Variants in IGF2R observed in about 807,000 individuals in gnomAD.
IGF2R encodes cation-independent mannose-6-phosphate receptor.
In IGF2R, 91 loss-of-function variants were observed where a neutral mutation model predicts 270.6. The ratio of observed to expected loss-of-function variants is 0.34; its 90% confidence interval spans 0.28 to 0.40. IGF2R has a LOEUF of 0.40. Ranked by LOEUF, IGF2R falls within the 10% of genes least tolerant of loss-of-function variation. The pLI is 1.00. For synonymous variants in IGF2R, 1,316 were observed against 1,258.9 expected (o/e 1.05, Z -0.96); for missense variants, 2,805 against 3,188.3 (o/e 0.88, Z 2.90).
intron 6 of IGF2R, 115 bp from the exon 7 acceptor site, chr6:160,029,435 C>T: frequency 8.1e-5 from 44 of 541,746 alleles, no homozygotes; most frequent in Middle Eastern, 3.1e-4. Context: ...TTTAATATTT[C>T]TTCTGTTACC....
intron 6 of IGF2R, among the ~76,000 whole-genome samples, chr6:160,028,828 CTT>C (rs540300763): frequency 1.4e-5 from 2 of 139,822 alleles, no homozygotes; most frequent in African/African-American, 2.6e-5. Context: ...GCTTGTCTGC[CTT>C]TTTTTTTTTT....
intron 4 of IGF2R, among the ~76,000 whole-genome samples, chr6:160,024,314 G>T (rs888089245): frequency 2.0e-5 from 3 of 152,196 alleles, no homozygotes; most frequent in Non-Finnish European, 4.4e-5. Context: ...AAACGATCCA[G>T]TGGAGAGGGA....
intron 2 of IGF2R, among the ~76,000 whole-genome samples, chr6:160,008,066 TA>T (rs1025985185): frequency 2.0e-5 from 3 of 152,082 alleles, no homozygotes; most frequent in Admixed American, 6.5e-5. Context: ...CTTAATGATC[TA>T]AAAAAAATCA....
intron 10 of IGF2R, among the ~76,000 whole-genome samples, chr6:160,037,400 C>A (rs1225874155): frequency 6.6e-6 from 1 of 152,122 alleles, no homozygotes; most frequent in Non-Finnish European, 1.5e-5. Context: ...TTATTTTGCT[C>A]GAATTTAAAC....
At chr6:159,972,885 C>A (rs1168366180) in intron 1 of IGF2R, among the ~76,000 whole-genome samples, 2 of 151,042 alleles carry the variant, frequency 1.3e-5, no homozygotes, top group Middle Eastern at 3.2e-3. Context: ...TAAATAAGTG[C>A]ATGGTTTTTT....
intron 42 of IGF2R, 81 bp downstream of exon 42, chr6:160,088,228 G>GT: frequency 1.1e-6 from 1 of 946,570 alleles, no homozygotes; most frequent in Non-Finnish European, 1.7e-6. Flanking sequence ...TCATGGGCAG[G>GT]TTTTGGCTGA....
In IGF2R at chr6:160,045,943, T is replaced by G. The variant is rs553917345; in HGVS notation, c.1903+61T>G. ...CTTGGAACCACTTAAGGTTTTTTCC[T>G]TAACATTCTGTGTGAGGTTTTCAAG... On this transcript the variant is annotated intron_variant, in intron 14 of 47. Coordinates refer to ENST00000356956, the MANE Select transcript of IGF2R (RefSeq NM_000876.4). 7 of 1,417,122 alleles carry G rather than the reference T, an allele frequency of 4.9e-6. No individual in the cohort carries two copies. In the African/African-American group the frequency reaches 1.0e-4, roughly 21 times the overall value. 87.8% of individuals were successfully genotyped at this position (1,417,122 alleles called of 1,614,324 possible). A position where few individuals can be genotyped will look rare whatever the true frequency, so the allele number is the denominator to read the frequency against.
intron 39 of IGF2R, 28 bp from the exon 40 acceptor site, chr6:160,083,920 ATC>A (rs775498140): frequency 1.8e-5 from 26 of 1,448,356 alleles, no homozygotes; most frequent in Non-Finnish European, 2.1e-5. Flanking sequence ...TGACAGTCTG[ATC>A]TCTCTCTCTT....
intron 5 of IGF2R, among the ~76,000 whole-genome samples, chr6:160,025,050 G>T (rs189913416): frequency 1.3e-5 from 2 of 151,998 alleles, no homozygotes; most frequent in African/African-American, 4.8e-5. Flanking sequence ...TTACGGGCTG[G>T]GTGAAAAAGA....
intron 11 of IGF2R, among the ~76,000 whole-genome samples, chr6:160,042,618 G>A (rs1176787549): frequency 6.6e-6 from 1 of 152,146 alleles, no homozygotes; most frequent in Non-Finnish European, 1.5e-5. Context: ...TGAGTTCAGC[G>A]GCCACCTGTG....
At chr6:160,055,447 G>A (rs1778291301) in intron 19 of IGF2R, among the ~76,000 whole-genome samples, 1 of 152,172 alleles carries the variant, frequency 6.6e-6, no homozygotes, top group Non-Finnish European at 1.5e-5. Context: ...ACTGAAGGAA[G>A]AAAGGGCCGC....
intron 2 of IGF2R, among the ~76,000 whole-genome samples, chr6:159,996,495 A>G (rs1244709177): frequency 6.6e-6 from 1 of 151,820 alleles, no homozygotes; most frequent in African/African-American, 2.4e-5. Context: ...TCTCTTGGAT[A>G]CTCCAGTGGC....
At chr6:160,037,044 A>G (rs1016158835) in intron 10 of IGF2R, among the ~76,000 whole-genome samples, 1 of 152,168 alleles carries the variant, frequency 6.6e-6, no homozygotes, top group African/African-American at 2.4e-5. Flanking sequence ...ACAGCCATTG[A>G]TGTTTTGCCA....
chr6:160,091,368 T>C (rs1419567005), intron 44 of IGF2R, among the ~76,000 whole-genome samples: 3 of 150,194 alleles, frequency 2.0e-5, no homozygotes, highest in African/African-American at 7.4e-5. Flanking sequence ...TGTGCCCTGG[T>C]GCTGAGCGCA....
chr6:159,986,432 T>TGTG (rs1562333027), intron 1 of IGF2R, among the ~76,000 whole-genome samples: 1,196 of 49,866 alleles, frequency 0.024, 7 homozygotes, highest in Middle Eastern at 0.073. Context: ...GTGTGTGTGT[T>TGTG]TTTTTTTTTT....
intron 11 of IGF2R, among the ~76,000 whole-genome samples, chr6:160,042,599 C>T (rs1777969754): frequency 6.6e-6 from 1 of 152,162 alleles, no homozygotes; most frequent in South Asian, 2.1e-4. Context: ...GACCAGCTCA[C>T]CAGTCTTGTG....
At chr6:160,071,480 C>T (rs1484476355) in intron 31 of IGF2R, among the ~76,000 whole-genome samples, 1 of 152,160 alleles carries the variant, frequency 6.6e-6, no homozygotes, top group Non-Finnish European at 1.5e-5. Context: ...TGGGAGGATG[C>T]GTGGAATGGG....
chr6:160,045,412 C>T (rs891037995), intron 13 of IGF2R, among the ~76,000 whole-genome samples: 1 of 152,128 alleles, frequency 6.6e-6, no homozygotes, highest in African/African-American at 2.4e-5. Context: ...ATCCTAACTG[C>T]TTTTAAGTGT....
chr6:160,027,052 A>G (rs2115226533), intron 5 of IGF2R, 133 bp from the exon 6 acceptor site: 1 of 980,052 alleles, frequency 1.0e-6, no homozygotes, highest in East Asian at 2.5e-5. Flanking sequence ...TGGCTTGCCC[A>G]AGGTTTCAGA....
Sources: allele counts gnomAD v4.1 joint callset (sites outside exome capture counted in the v4.1 genomes callset), GRCh38; gene constraint gnomAD v4.1.1; transcripts MANE v1.5; gene names NCBI Gene and HGNC (gene_info 2026-07-23, HGNC 2026-07-21).